ANKRD44: variants seen among roughly 807,000 people sequenced by gnomAD.
ANKRD44 encodes serine/threonine-protein phosphatase 6 regulatory ankyrin repeat subunit B.
A neutral mutation model predicts 116.0 loss-of-function variants in ANKRD44; 35 were observed. The ratio of observed to expected loss-of-function variants is 0.30; its 90% CI spans 0.23 to 0.40. ANKRD44 has a LOEUF of 0.40. ANKRD44 is among the 10% of genes least tolerant of loss of function. The pLI is 1.00. For synonymous variants in ANKRD44, 435 were observed against 461.8 expected, an observed-to-expected ratio of 0.94 and a Z score of 0.74; for missense variants, 1,014 against 1,242.6, an observed-to-expected ratio of 0.82 and a Z score of 2.77.
At chr2:196,996,362 T>C (rs1048395911) in intron 25 of ANKRD44, among the ~76,000 whole-genome samples, 2 of 152,160 alleles carry the variant, frequency 1.3e-5, no homozygotes, top group South Asian at 2.1e-4. Context: ...TCCCAGAGCA[T>C]GAAGTGAGAA....
intron 1 of ANKRD44, among the ~76,000 whole-genome samples, chr2:197,295,800 C>T (rs1035086399): frequency 2.0e-5 from 3 of 152,098 alleles, no homozygotes; most frequent in African/African-American, 7.2e-5. Flanking sequence ...TTGCTCTTTC[C>T]TATAATCCCA....
In ANKRD44 at chr2:197,126,041, C is replaced by T; in HGVS notation, c.262-4G>A. 6.2e-7 allele frequency: 1 copy of T among 1,614,112 alleles called. No individual in the cohort carries two copies. Among genetic ancestry groups the T allele is most frequent in the South Asian group, 1.1e-5 (1 of 91,084 alleles). ...TAATCAAAACCTGTACTGCTTCCTA[C>T]AACAAAAGCAGAGTTTGCAGAGGTC... On this transcript the variant is annotated splice_region_variant and splice_polypyrimidine_tract_variant and intron_variant, in intron 4 of 27. Transcript: ENST00000282272.
At chr2:197,133,463 C>T (rs1192538658) in intron 4 of ANKRD44, among the ~76,000 whole-genome samples, 3 of 152,206 alleles carry the variant, frequency 2.0e-5, no homozygotes, top group African/African-American at 4.8e-5. Flanking sequence ...CTCTGTATCT[C>T]TCATGGTGGT....
At chr2:197,192,170 C>T (rs1005965168) in intron 1 of ANKRD44, among the ~76,000 whole-genome samples, 8 of 152,130 alleles carry the variant, frequency 5.3e-5, no homozygotes, top group African/African-American at 1.9e-4. Flanking sequence ...TTCACTTTCC[C>T]TTTGCCAGAG....
chr2:197,177,343 T>G (rs1408349718), intron 2 of ANKRD44, among the ~76,000 whole-genome samples: 1 of 152,148 alleles, frequency 6.6e-6, no homozygotes, highest in Non-Finnish European at 1.5e-5. Flanking sequence ...AGAATTCTAC[T>G]AAGATGGCAA....
chr2:197,287,815 T>C (rs1026543375), intron 1 of ANKRD44, among the ~76,000 whole-genome samples: 1 of 148,916 alleles, frequency 6.7e-6, no homozygotes, highest in Non-Finnish European at 1.5e-5. Context: ...AGGTCAGGAG[T>C]TCAAGACCAG....
chr2:197,149,740 C>T (rs2079594142), intron 2 of ANKRD44, among the ~76,000 whole-genome samples: 1 of 152,174 alleles, frequency 6.6e-6, no homozygotes. Flanking sequence ...TAACAAGGAA[C>T]ACCTGATCAT....
At chr2:197,072,882 T>A (rs947068459) in intron 16 of ANKRD44, among the ~76,000 whole-genome samples, 3 of 152,218 alleles carry the variant, frequency 2.0e-5, no homozygotes, top group African/African-American at 7.2e-5. Flanking sequence ...CTTCTTTTCC[T>A]GCCACTTCAT....
chr2:197,070,390 CTCTA>C (rs2077533881), intron 16 of ANKRD44, among the ~76,000 whole-genome samples: 1 of 152,050 alleles, frequency 6.6e-6, no homozygotes, highest in African/African-American at 2.4e-5. Flanking sequence ...GGAAGTTCCC[CTCTA>C]TCTAATATTT....
At chr2:197,278,787 C>T (rs13007653) in intron 1 of ANKRD44, among the ~76,000 whole-genome samples, 35,704 of 152,126 alleles carry the variant, frequency 0.23, 5,107 homozygotes, top group East Asian at 0.41. Flanking sequence ...CATTGCGACA[C>T]GTAGGTCGCC....
At chr2:196,976,349 TA>T (rs2075760441) in intron 21 of ANKRD44, among the ~76,000 whole-genome samples, 1 of 151,992 alleles carries the variant, frequency 6.6e-6, no homozygotes, top group African/African-American at 2.4e-5. Flanking sequence ...AAATTATATT[TA>T]ATAGTGGGAG....
chr2:197,034,681 C>T (rs2076777096), intron 16 of ANKRD44, among the ~76,000 whole-genome samples: 1 of 151,976 alleles, frequency 6.6e-6, no homozygotes, highest in African/African-American at 2.4e-5. Context: ...GAGTCCAGCA[C>T]TGCTTGACCC....
chr2:197,174,476 T>A (rs1175737224), intron 2 of ANKRD44, among the ~76,000 whole-genome samples: 4 of 152,238 alleles, frequency 2.6e-5, no homozygotes, highest in Non-Finnish European at 5.9e-5. Context: ...ATACAAACTG[T>A]TCACATATGT....
At chr2:197,147,194 G>T in intron 2 of ANKRD44, 89 bp from the exon 3 acceptor site, 1 of 1,049,446 alleles carries the variant, frequency 9.5e-7, no homozygotes, top group Non-Finnish European at 1.5e-6. Flanking sequence ...CACTCACTCT[G>T]TGGTTAATGC....
At chr2:197,198,634 A>C (rs894434019) in intron 1 of ANKRD44, among the ~76,000 whole-genome samples, 2 of 151,974 alleles carry the variant, frequency 1.3e-5, no homozygotes, top group Admixed American at 6.6e-5. Flanking sequence ...TCTACTAAAA[A>C]TACAAAAAAT....
intron 9 of ANKRD44, among the ~76,000 whole-genome samples, chr2:197,106,806 A>ATAT (rs35186298): frequency 0.17 from 23,331 of 136,244 alleles, 2,402 homozygotes; most frequent in East Asian, 0.36. Flanking sequence ...ATATATATAT[A>ATAT]TTTTTTTTTT....
chr2:197,125,671 T>C (rs1381552739), intron 5 of ANKRD44, among the ~76,000 whole-genome samples, 166 bp downstream of exon 5: 2 of 152,234 alleles, frequency 1.3e-5, no homozygotes, highest in Non-Finnish European at 2.9e-5. Flanking sequence ...CAGCCTACTT[T>C]TTCAATTCAT....
chr2:197,279,224 T>A (rs1171304174), intron 1 of ANKRD44, among the ~76,000 whole-genome samples: 1 of 152,166 alleles, frequency 6.6e-6, no homozygotes, highest in Non-Finnish European at 1.5e-5. Flanking sequence ...TCCTAACTAA[T>A]AAAACTGTGA....
rs778147827 is a variant in ANKRD44, at chr2:196,999,038, G to T, written c.2534C>A (p.Ala845Glu). The T allele has an allele frequency of 6.2e-7, 1 of 1,613,702 alleles. No individual in the cohort carries two copies. Among genetic ancestry groups the T allele is most frequent in the Non-Finnish European group, 8.5e-7 (1 of 1,179,856 alleles). The change falls in exon 24 of 28, where the codon GCG becomes GAG. Residue 845 changes from alanine to glutamate, a missense_variant. Transcript: ENST00000282272. ...CTCCACATGATCAGCAAATGCTGCC[G>T]CATGAAGGGGTGTCCTAAAGATTTA... ...RDDKGRTPLH[A>E]AAFADHVECL...
Sources: gnomAD v4.1 joint callset for allele counts (sites outside exome capture counted in the v4.1 genomes callset) on GRCh38, gnomAD v4.1.1 for gene constraint, MANE v1.5 for transcripts, NCBI Gene and HGNC (gene_info 2026-07-23, HGNC 2026-07-21) for gene names.